The following AHCY variants were observed in gnomAD, a reference collection of about 807,000 sequenced individuals.
AHCY encodes the protein adenosylhomocysteinase, also known as S-adenosyl-L-homocysteine hydrolase.
In AHCY, 24 loss-of-function variants were observed where a neutral mutation model predicts 45.4. The ratio of observed to expected loss-of-function variants is 0.53; its 90% CI spans 0.38 to 0.74. The LOEUF (loss-of-function observed/expected upper bound fraction) is 0.74. Ranked by LOEUF, AHCY falls within the 30% of genes least tolerant of loss-of-function variation. AHCY has a pLI of 0.00. For synonymous variants in AHCY, 245 were observed against 235.1 expected, an observed-to-expected ratio of 1.04 and a Z score of -0.39; for missense variants, 449 against 594.1, an observed-to-expected ratio of 0.76 and a Z score of 2.54.
the AHCY span, among the ~76,000 whole-genome samples, chr20:34,273,055 T>C: frequency 1.3e-5 from 2 of 152,204 alleles, no homozygotes; most frequent in African/African-American, 4.8e-5. Flanking sequence ...CTCTGAAGCC[T>C]GTCCTCTTGG....
the AHCY span, among the ~76,000 whole-genome samples, chr20:34,254,145 C>T: frequency 1.3e-5 from 2 of 152,266 alleles, no homozygotes; most frequent in African/African-American, 4.8e-5. Context: ...TCACTGCAAC[C>T]TCTGCCTCCT....
chr20:34,245,892 C>G, the AHCY span: 5 of 1,334,454 alleles, frequency 3.7e-6, no homozygotes, highest in East Asian at 2.9e-5. Flanking sequence ...ATAAAGGCCT[C>G]TCTCCCTTTG....
the AHCY span, among the ~76,000 whole-genome samples, chr20:34,254,133 G>T: frequency 6.6e-6 from 1 of 151,528 alleles, no homozygotes; most frequent in Admixed American, 6.6e-5. Context: ...CACAATCTTT[G>T]CTCACTGCAA....
the AHCY span, among the ~76,000 whole-genome samples, chr20:34,247,937 G>A: frequency 1.3e-5 from 2 of 152,196 alleles, no homozygotes; most frequent in Non-Finnish European, 2.9e-5. Context: ...CGGGCGCAGT[G>A]GCACATGCGT....
At chr20:34,276,118 T>A (rs890723545), downstream of AHCY, among the ~76,000 whole-genome samples, 2 of 152,134 alleles carry the variant, frequency 1.3e-5, no homozygotes, top group African/African-American at 4.8e-5. Context: ...GATAGCTGGG[T>A]CTCTTTTACA....
chr20:34,299,532 T>C (rs1480146769), intron 1 of AHCY, among the ~76,000 whole-genome samples: 2 of 152,198 alleles, frequency 1.3e-5, no homozygotes, highest in African/African-American at 4.8e-5. Flanking sequence ...CATCCAGTCT[T>C]ATGGCTTTAC....
chr20:34,257,070 C>CTTT, the AHCY span, among the ~76,000 whole-genome samples: 235 of 139,434 alleles, frequency 1.7e-3, no homozygotes, highest in African/African-American at 5.7e-3. Flanking sequence ...CTTTCTTTCT[C>CTTT]TTTTTTTTTT....
chr20:34,240,346 C>T, the AHCY span, among the ~76,000 whole-genome samples: 17 of 152,122 alleles, frequency 1.1e-4, no homozygotes, highest in African/African-American at 3.9e-4. Flanking sequence ...GTGCTTCTTC[C>T]CTCCTGGTCC....
the AHCY span, among the ~76,000 whole-genome samples, chr20:34,269,977 A>C: frequency 7.4e-6 from 1 of 135,020 alleles, no homozygotes; most frequent in Non-Finnish European, 1.6e-5. Flanking sequence ...AAAAAAAAAA[A>C]AACAAGAAAA....
At chr20:34,301,589 A>T (rs2036773432) in intron 1 of AHCY, among the ~76,000 whole-genome samples, 3 of 152,224 alleles carry the variant, frequency 2.0e-5, no homozygotes, top group Non-Finnish European at 4.4e-5. Flanking sequence ...AAGATCTGGC[A>T]TACAGCAGGG....
the AHCY span, among the ~76,000 whole-genome samples, chr20:34,233,821 A>G: frequency 1.9e-4 from 29 of 152,328 alleles, no homozygotes; most frequent in African/African-American, 7.0e-4. Context: ...CAGCAAAACC[A>G]TTACCTGAGA....
chr20:34,295,281 A>G (rs776614769), intron 2 of AHCY, 114 bp downstream of exon 2: 2 of 1,301,490 alleles, frequency 1.5e-6, no homozygotes, highest in Admixed American at 2.0e-5. Flanking sequence ...GAACCCCTCC[A>G]GGCCCGCGGT....
the AHCY span, among the ~76,000 whole-genome samples, chr20:34,275,192 GCT>G: frequency 1.2e-3 from 185 of 149,608 alleles, 8 homozygotes; most frequent in South Asian, 0.038. Context: ...GAGTGCAGTG[GCT>G]TGATCTCCGC....
At chr20:34,298,536 T>A (rs542955459) in intron 1 of AHCY, among the ~76,000 whole-genome samples, 1,639 of 140,336 alleles carry the variant, frequency 0.012, 30 homozygotes, top group African/African-American at 0.04. Flanking sequence ...AGGCGGATCG[T>A]GGTCCAGCGG....
At chr20:34,260,536 T>C in the AHCY span, 2 of 1,608,328 alleles carry the variant, frequency 1.2e-6, no homozygotes, top group East Asian at 4.5e-5. Flanking sequence ...CTATTGTGGG[T>C]AAGTCACCTA....
chr20:34,245,160 C>G, the AHCY span, among the ~76,000 whole-genome samples: 3 of 151,436 alleles, frequency 2.0e-5, no homozygotes, highest in Non-Finnish European at 4.4e-5. Flanking sequence ...ATGATGAAAC[C>G]CCGTCGCTAC....
chr20:34,298,946 G>A (rs952789789), intron 1 of AHCY, among the ~76,000 whole-genome samples: 16 of 152,220 alleles, frequency 1.1e-4, no homozygotes, highest in Middle Eastern at 6.8e-3. Flanking sequence ...CAGTGGACAC[G>A]TGACCCACAT....
the AHCY span, among the ~76,000 whole-genome samples, chr20:34,233,210 T>G: frequency 6.7e-6 from 1 of 148,378 alleles, no homozygotes; most frequent in Non-Finnish European, 1.5e-5. Flanking sequence ...TACAATGGTG[T>G]GATCTCAGCT....
chr20:34,236,264 G>C, the AHCY span, among the ~76,000 whole-genome samples: 1 of 152,224 alleles, frequency 6.6e-6, no homozygotes, highest in Non-Finnish European at 1.5e-5. Context: ...CCATGGCTGG[G>C]CGCAGTGGCT....
Sources: allele counts gnomAD v4.1 joint callset (sites outside exome capture counted in the v4.1 genomes callset), GRCh38; gene constraint gnomAD v4.1.1; transcripts MANE v1.5; gene names NCBI Gene and HGNC (gene_info 2026-07-23, HGNC 2026-07-21).